RIMBP2: variants seen among roughly 807,000 people sequenced by gnomAD.
RIMBP2 encodes RIMS-binding protein 2.
In RIMBP2, 48 loss-of-function variants were observed where a neutral mutation model predicts 118.6. The ratio of observed to expected loss-of-function variants is 0.40; its 90% CI spans 0.32 to 0.51. The LOEUF (loss-of-function observed/expected upper bound fraction) is 0.51, where lower values mean the gene tolerates loss of function less well. Ranked by LOEUF, RIMBP2 falls within the 20% of genes least tolerant of loss-of-function variation. RIMBP2 has a pLI of 0.41. For missense variants in RIMBP2, 1,551 were observed against 1,768.3 expected, an observed-to-expected ratio of 0.88 and a Z score of 2.20; for synonymous variants, 762 against 742.9, an observed-to-expected ratio of 1.03 and a Z score of -0.42.
intron 1 of RIMBP2, among the ~76,000 whole-genome samples, chr12:130,646,334 A>T (rs112388124): frequency 0.12 from 2,320 of 18,992 alleles, 668 homozygotes; most frequent in Admixed American, 0.18. Context: ...CACCTGCCTC[A>T]CCACCTCCCT....
chr12:130,405,995 C>G (rs1366960408), intron 21 of RIMBP2, among the ~76,000 whole-genome samples, 177 bp downstream of exon 21: 2 of 152,166 alleles, frequency 1.3e-5, no homozygotes, highest in African/African-American at 2.4e-5. Flanking sequence ...TCCCAACTTT[C>G]TAGATTATCT....
intron 1 of RIMBP2, among the ~76,000 whole-genome samples, chr12:130,656,436 T>C (rs578103251): frequency 6.6e-6 from 1 of 152,272 alleles, no homozygotes; most frequent in African/African-American, 2.4e-5. Context: ...GCCAGTGCAT[T>C]TGTGTCCTGA....
At position 130,632,351 on chromosome 12, in the gene RIMBP2, C is replaced by T. The variant is rs186750274; in HGVS notation, c.-351-3895G>A. On this transcript the variant is annotated intron_variant, in intron 1 of 22. Coordinates refer to ENST00000690449, the MANE Select transcript of RIMBP2 (RefSeq NM_001393629.1). Reference sequence around the variant, plus strand: ...AATCATTAAGAATAACATGAAAAAACGAGATTACAGGAAGTCACGATAATC... The same window carrying T: ...AATCATTAAGAATAACATGAAAAAATGAGATTACAGGAAGTCACGATAATC... Among the ~76,000 whole-genome samples, 220 of 152,276 alleles carry T rather than the reference C, an allele frequency of 1.4e-3. 1 individual carries two copies. Among genetic ancestry groups the T allele is most frequent in the African/African-American group, 4.3e-3 (178 of 41,560 alleles).
chr12:130,667,003 G>T (rs2063949214), intron 1 of RIMBP2, among the ~76,000 whole-genome samples: 1 of 126,802 alleles, frequency 7.9e-6, no homozygotes, highest in Non-Finnish European at 1.7e-5. Flanking sequence ...GGAAGGGAAG[G>T]AGGGAGGGAG....
chr12:130,494,896 A>T (rs559058350), intron 4 of RIMBP2, among the ~76,000 whole-genome samples: 1 of 152,212 alleles, frequency 6.6e-6, no homozygotes, highest in South Asian at 2.1e-4. Context: ...AGAAGGCTGA[A>T]ATCCAGGTGT....
chr12:130,574,903 C>T (rs964284345), intron 2 of RIMBP2, among the ~76,000 whole-genome samples: 3 of 152,084 alleles, frequency 2.0e-5, no homozygotes, highest in South Asian at 2.1e-4. Flanking sequence ...CTCACCCATG[C>T]GTTGTGAGCA....
At chr12:130,411,560 T>A (rs77765618) in intron 19 of RIMBP2, among the ~76,000 whole-genome samples, 7 of 141,924 alleles carry the variant, frequency 4.9e-5, no homozygotes, top group Admixed American at 1.5e-4. Flanking sequence ...GCATAAAAAA[T>A]TTTAATCTAA....
At chr12:130,667,400 A>G (rs1188265655) in intron 1 of RIMBP2, 4 of 152,208 alleles carry the variant, frequency 2.6e-5, no homozygotes, top group African/African-American at 9.7e-5. Context: ...CAGAGTTGTC[A>G]CAGGATACAG....
Position 130,523,211 on chromosome 12 carries a change from G to A in RIMBP2, c.-216-5294C>T, listed in dbSNP as rs1472167312. Among the ~76,000 whole-genome samples the A allele has an allele frequency of 6.6e-6, 1 of 151,958 alleles. No individual in the cohort carries two copies. The highest frequency in any genetic ancestry group is 2.4e-5 in the African/African-American group (1 of 41,350). Reference sequence around the variant, plus strand: ...TCTCTATTTCTCTGTGTTGGGGGGGGTTTCTCTGCCTCCATCTCTCTCTGT... The same window carrying A: ...TCTCTATTTCTCTGTGTTGGGGGGGATTTCTCTGCCTCCATCTCTCTCTGT... On this transcript the variant is annotated intron_variant, in intron 2 of 22. Coordinates refer to ENST00000690449, the MANE Select transcript of RIMBP2 (RefSeq NM_001393629.1). This position sits in a 1 kb window ranked among gnomAD's most constrained non-coding sequence, Gnocchi z 4.4.
chr12:130,541,940 T>C (rs1292023846), intron 2 of RIMBP2, among the ~76,000 whole-genome samples: 3 of 152,200 alleles, frequency 2.0e-5, no homozygotes, highest in Non-Finnish European at 4.4e-5. Flanking sequence ...GACCTAGCCA[T>C]TGGGCTGAGT....
chr12:130,627,819 G>T (rs2061737227), intron 2 of RIMBP2, among the ~76,000 whole-genome samples: 1 of 152,104 alleles, frequency 6.6e-6, no homozygotes, highest in South Asian at 2.1e-4. Flanking sequence ...CCTGGTGCAG[G>T]CCACCCTTGC....
At chr12:130,633,585 G>C (rs867927214) in intron 1 of RIMBP2, among the ~76,000 whole-genome samples, 13 of 152,184 alleles carry the variant, frequency 8.5e-5, no homozygotes, top group African/African-American at 2.4e-4. Context: ...CCACAGGGTA[G>C]TAACAGTGAT....
intron 12 of RIMBP2, 67 bp from the exon 13 acceptor site, chr12:130,437,358 C>T (rs1410433609): frequency 5.8e-5 from 78 of 1,345,078 alleles, no homozygotes; most frequent in Non-Finnish European, 7.6e-5. Context: ...AATGGGGAGC[C>T]GACCAGTCCT....
intron 1 of RIMBP2, among the ~76,000 whole-genome samples, chr12:130,706,610 G>A (rs1182127292): frequency 6.6e-6 from 1 of 152,274 alleles, no homozygotes; most frequent in Non-Finnish European, 1.5e-5. Flanking sequence ...TCTGGCGAAA[G>A]TGCCCAGTGA....
At chr12:130,414,438 T>A in intron 17 of RIMBP2, 132 bp from the exon 18 acceptor site, 1 of 853,036 alleles carries the variant, frequency 1.2e-6, no homozygotes, top group Non-Finnish European at 1.8e-6. Context: ...TGTCTTAACA[T>A]GTAGGTGGAA....
intron 7 of RIMBP2, among the ~76,000 whole-genome samples, chr12:130,455,472 G>A (rs547670800): frequency 1.6e-4 from 25 of 152,332 alleles, no homozygotes; most frequent in Admixed American, 4.6e-4. Context: ...GGAGATGAGC[G>A]GCAGAGCGCT....
intron 2 of RIMBP2, among the ~76,000 whole-genome samples, chr12:130,616,420 C>G (rs946482417): frequency 6.6e-6 from 1 of 152,142 alleles, no homozygotes; most frequent in Non-Finnish European, 1.5e-5. Flanking sequence ...GCTCCTGGCT[C>G]GGGCCAGTGC....
chr12:130,441,916 G>C lies in RIMBP2; in HGVS notation c.1436C>G (p.Pro479Arg). 6.2e-7 allele frequency: 1 copy of C among 1,613,952 alleles called. No individual in the cohort carries two copies. The highest frequency in any genetic ancestry group is 8.5e-7 in the Non-Finnish European group (1 of 1,180,034). ...CCTTTGCTCCAGCGGGAGCTGCCACGGCATCTGGTGGGGTTTGGCCAGAAC... is the reference window on the plus strand; with the variant it reads ...CCTTTGCTCCAGCGGGAGCTGCCACCGCATCTGGTGGGGTTTGGCCAGAAC... ...VKVLAKPHQMPWQLPLEQREK... is the reference protein window; with the variant it reads ...VKVLAKPHQMRWQLPLEQREK... Residue 479 changes from proline (P) to arginine (R), a missense_variant, in exon 11 of 23, where the codon CCG becomes CGG. By Grantham distance (103) the Pro-to-Arg change is moderately radical (BLOSUM62 -2). Transcript: ENST00000690449.
At chr12:130,608,659 G>A (rs988640332) in intron 2 of RIMBP2, among the ~76,000 whole-genome samples, 2 of 152,198 alleles carry the variant, frequency 1.3e-5, no homozygotes, top group Non-Finnish European at 2.9e-5. Flanking sequence ...CGCTGCCCAG[G>A]CCACTCCTCT....
Sources: allele counts gnomAD v4.1 joint callset (sites outside exome capture counted in the v4.1 genomes callset), GRCh38; gene constraint gnomAD v4.1.1; non-coding constraint Gnocchi (gnomAD v3.1); transcripts MANE v1.5; gene names NCBI Gene and HGNC (gene_info 2026-07-23, HGNC 2026-07-21).